The following BUD23 variants were observed in gnomAD, a reference collection of about 807,000 sequenced individuals.
BUD23 encodes the protein BUD23 rRNA methyltransferase and ribosome maturation factor.
In BUD23, 34 loss-of-function variants were observed where a neutral mutation model predicts 47.0. The observed-to-expected ratio is 0.72, with a 90% CI of 0.55 to 0.96. The LOEUF (loss-of-function observed/expected upper bound fraction) is 0.96, where lower values mean the gene tolerates loss of function less well. Among genes scored for constraint, BUD23 ranks in the 40% least tolerant of loss-of-function variants. The pLI is 0.00. For missense variants in BUD23, 343 were observed against 361.2 expected (o/e 0.95, Z 0.41); for synonymous variants, 124 against 132.0 (o/e 0.94, Z 0.41).
At chr7:73,684,216 C>T (rs561537381) in intron 2 of BUD23, among the ~76,000 whole-genome samples, 34 of 152,158 alleles carry the variant, frequency 2.2e-4, no homozygotes, top group Admixed American at 4.6e-4. Flanking sequence ...GTCTGAATTT[C>T]ATAGAGGGTA....
intron 2 of BUD23, among the ~76,000 whole-genome samples, chr7:73,684,628 T>TGGGGGGGGG (rs1797874176): frequency 1.8e-4 from 6 of 33,258 alleles, no homozygotes; most frequent in African/African-American, 6.1e-4. Flanking sequence ...GGGGGGGGGA[T>TGGGGGGGGG]GGGGGCGGGG....
rs781802171 is a variant in BUD23, at chr7:73,697,865, C to T, written c.825C>T (p.Arg275=). The T allele has an allele frequency of 3.6e-5, 58 of 1,613,856 alleles. No homozygotes were observed. Among genetic ancestry groups the T allele is most frequent in the Non-Finnish European group, 5.1e-6 (6 of 1,180,008 alleles). ...GACCTGACACCCAGTACACCGGCCG[C>T]AAGCGCAAGCCCCGCTTCTAAGTCA... is the stretch of plus-strand genomic sequence containing the variant. The part of the protein sequence containing the change: ...EVRPDTQYTG[R]KRKPRF The change falls in exon 12 of 12, where the codon CGC becomes CGT. Residue 275 remains arginine (R), a synonymous_variant. Transcript: ENST00000265758.
rs782720715 is a variant in BUD23 at position 73,686,673 on chromosome 7, C to T, written c.124C>T (p.Arg42Ter). 22 of 1,613,694 alleles carry T rather than the reference C, an allele frequency of 1.4e-5. No homozygotes were observed. Among genetic ancestry groups the T allele is most frequent in the Non-Finnish European group, 1.8e-5 (21 of 1,179,820 alleles). ...TGATATCCAGACCAGGATGGCTGGGCGAGCATTGGAGCTTCTTTATCTGCC... is the reference window on the plus strand; with the variant it reads ...TGATATCCAGACCAGGATGGCTGGGTGAGCATTGGAGCTTCTTTATCTGCC... ...MIDIQTRMAGRALELLYLPEN... is the reference protein window; with the variant it reads ...MIDIQTRMAG The change falls in exon 3 of 12, where the codon CGA becomes TGA. Residue 42 changes from arginine to a stop codon, truncating the protein, a stop_gained. Transcript: ENST00000265758. LOFTEE classifies it high-confidence loss of function.
intron 2 of BUD23, among the ~76,000 whole-genome samples, chr7:73,684,617 A>AGGG (rs35734688): frequency 2.0e-4 from 17 of 86,556 alleles, no homozygotes; most frequent in Admixed American, 2.9e-4. Context: ...AAAAAAAAAA[A>AGGG]GGGGGGGGGA....
At chr7:73,690,625 C>T (rs542674100) in intron 5 of BUD23, among the ~76,000 whole-genome samples, 1 of 152,142 alleles carries the variant, frequency 6.6e-6, no homozygotes, top group South Asian at 2.1e-4. Flanking sequence ...CTTTTTTTGT[C>T]TTTAAATTTT....
chr7:73,697,381 C>T (rs782792372), intron 10 of BUD23: 56 of 1,507,680 alleles, frequency 3.7e-5, no homozygotes, highest in South Asian at 2.6e-4. Context: ...CCAGCTCTCT[C>T]CTCCTCTGCC....
At position 73,694,041 on chromosome 7, in the gene BUD23, C is replaced by T; in HGVS notation, c.692C>T (p.Thr231Ile). ...GTTGAACCCAGGGAGTCTGTGTTCA[C>T]CAATGAGAGGTAAAGCAACTGCTGA... ...DEVEPRESVFTNERFPLRMSR... is the reference protein window; with the variant it reads ...DEVEPRESVFINERFPLRMSR... The change falls in exon 10 of 12, where the codon ACC becomes ATC. Residue 231 changes from threonine to isoleucine, a missense_variant. Thr to Ile is a moderately conservative substitution (Grantham distance 89). Coordinates refer to ENST00000265758, the MANE Select transcript of BUD23 (RefSeq NM_017528.5). 1 of 1,609,788 alleles carries T rather than the reference C, an allele frequency of 6.2e-7. No individual in the cohort carries two copies. Among genetic ancestry groups the T allele is most frequent in the South Asian group, 1.1e-5 (1 of 90,798 alleles).
At chr7:73,685,097 A>G (rs547635171) in intron 2 of BUD23, among the ~76,000 whole-genome samples, 2 of 152,018 alleles carry the variant, frequency 1.3e-5, no homozygotes, top group African/African-American at 4.8e-5. Flanking sequence ...ACCTGAGGTC[A>G]GGAATTCCGA....
rs200959405 is a variant in BUD23 at position 73,686,969 on chromosome 7, C to T, written c.266-30C>T. On this transcript the variant is annotated intron_variant, in intron 4 of 11. Coordinates refer to ENST00000265758, the MANE Select transcript of BUD23 (RefSeq NM_017528.5). ...GTGTGGAGAAGCCACAGGTATTTCT[C>T]TTTCTCTGACTGCCTTTTCTCTAAT... 4.3e-4 allele frequency: 700 copies of T among 1,614,126 alleles called. 1 individual carries two copies. The highest frequency in any genetic ancestry group is 2.5e-3 in the Middle Eastern group (15 of 6,062).
intron 5 of BUD23, among the ~76,000 whole-genome samples, chr7:73,690,240 A>C (rs1798137919): frequency 6.6e-6 from 1 of 152,240 alleles, no homozygotes; most frequent in Middle Eastern, 3.4e-3. Context: ...CCTGACCTCA[A>C]GTGATCCACC....
chr7:73,697,374 GCT>G, intron 10 of BUD23: 1 of 1,487,156 alleles, frequency 6.7e-7, no homozygotes, highest in Non-Finnish European at 9.0e-7. Context: ...GCCCGGCCCA[GCT>G]CTCTCCTCCT....
chr7:73,691,304 C>CT (rs1354654445), intron 6 of BUD23, among the ~76,000 whole-genome samples: 1 of 152,074 alleles, frequency 6.6e-6, no homozygotes, highest in Non-Finnish European at 1.5e-5. Context: ...ATTCCTATGT[C>CT]TATTGCGCTG....
chr7:73,685,821 G>C (rs905706254), intron 2 of BUD23, among the ~76,000 whole-genome samples: 19 of 151,860 alleles, frequency 1.3e-4, no homozygotes, highest in Non-Finnish European at 2.6e-4. Flanking sequence ...GGCCGGGCGC[G>C]GTGGCTCACG....
In BUD23 at chr7:73,689,876, T is replaced by C. The variant is rs888835096; in HGVS notation, c.363-1040T>C. 2.0e-5 allele frequency among the ~76,000 whole-genome samples: 3 copies of C among 152,108 alleles called. No individual in the cohort carries two copies. In the East Asian group the frequency reaches 5.8e-4, roughly 29 times the overall value. The stretch of plus-strand genomic sequence containing the variant: ...GTGGAAGCATTTGAGCTGGTAGCAC[T>C]GAGCATTGGTGCGGGGAAGTGAAAG... On this transcript the variant is annotated intron_variant, in intron 5 of 11. Coordinates refer to ENST00000265758, the MANE Select transcript of BUD23 (RefSeq NM_017528.5).
intron 6 of BUD23, among the ~76,000 whole-genome samples, chr7:73,691,645 G>A (rs1193694419): frequency 6.6e-6 from 1 of 152,176 alleles, no homozygotes; most frequent in Non-Finnish European, 1.5e-5. Context: ...TGTTGCCTGG[G>A]ATGGAGTGCA....
At chr7:73,697,368 G>C in intron 10 of BUD23, 1 of 1,454,284 alleles carries the variant, frequency 6.9e-7, no homozygotes, top group Non-Finnish European at 9.3e-7. Context: ...CTCCATGCCC[G>C]GCCCAGCTCT....
intron 5 of BUD23, among the ~76,000 whole-genome samples, chr7:73,687,507 C>G (rs536082935): frequency 6.6e-6 from 1 of 152,090 alleles, no homozygotes. Flanking sequence ...AATCTCTTGA[C>G]CTTGTGATCC....
Position 73,690,977 on chromosome 7 carries a change from C to T in BUD23, c.424C>T (p.Leu142=), listed in dbSNP as rs1365219901. 1 of 1,614,200 alleles carries T rather than the reference C, an allele frequency of 6.2e-7. No individual in the cohort carries two copies. The highest frequency in any genetic ancestry group is 8.5e-7 in the Non-Finnish European group (1 of 1,180,042). ...NKKSENPAKR[L]YCFFASLFSV... is the part of the protein sequence containing the mutation. ...GAAGTCTGAAAACCCTGCCAAGCGC[C>T]TGTACTGCTTTTTTGCTTCTCTTTT... Residue 142 remains leucine (L), a synonymous_variant, in exon 6 of 12, where the codon CTG becomes TTG. Coordinates refer to ENST00000265758, the MANE Select transcript of BUD23 (RefSeq NM_017528.5).
chr7:73,691,238 C>G (rs1798184917), intron 6 of BUD23, among the ~76,000 whole-genome samples: 1 of 152,288 alleles, frequency 6.6e-6, no homozygotes, highest in Admixed American at 6.5e-5. Flanking sequence ...GTCACTGATA[C>G]CAAAATCGGA....
Sources: gnomAD v4.1 joint callset for allele counts (sites outside exome capture counted in the v4.1 genomes callset) on GRCh38, gnomAD v4.1.1 for gene constraint, MANE v1.5 for transcripts, NCBI Gene and HGNC (gene_info 2026-07-23, HGNC 2026-07-21) for gene names.